Variants in CTNNA3 observed in about 807,000 individuals in gnomAD.
The protein encoded by CTNNA3 is catenin alpha-3.
Under a neutral mutation model 95.7 loss-of-function variants are expected in CTNNA3, and 76 were observed. The observed-to-expected ratio is 0.79, with a 90% CI of 0.66 to 0.96. The LOEUF (loss-of-function observed/expected upper bound fraction) is 0.96. CTNNA3 is among the 40% of genes least tolerant of loss of function. The probability of loss-of-function intolerance (pLI) is 0.00; values close to 1 mark genes in which losing one functional copy is unlikely to be tolerated. For synonymous variants in CTNNA3, 431 were observed against 374.4 expected (o/e 1.15, Z -1.74); for missense variants, 1,191 against 1,089.8 (o/e 1.09, Z -1.31).
intron 17 of CTNNA3, among the ~76,000 whole-genome samples, chr10:65,931,328 G>A (rs1004863351): frequency 2.0e-5 from 3 of 152,114 alleles, no homozygotes; most frequent in Admixed American, 6.6e-5. Context: ...CTGCCATAGC[G>A]CCTTGCCTGC....
rs141154098 is a variant in CTNNA3 at position 67,688,995 on chromosome 10, C to A, written c.-6+7005G>T. On this transcript the variant is annotated intron_variant, in intron 1 of 17. Transcript: ENST00000433211. The stretch of plus-strand genomic sequence containing the variant: ...TTACTGATGCATTCTCAAAAACCTG[C>A]ATTCTTGCCTGTCCTCTTAGACCAC... Among the ~76,000 whole-genome samples the A allele has an allele frequency of 5.5e-4, 84 of 152,182 alleles. 2 individuals are homozygous for A. Among genetic ancestry groups the A allele is most frequent in the African/African-American group, 1.9e-3 (80 of 41,518 alleles).
intron 11 of CTNNA3, among the ~76,000 whole-genome samples, chr10:66,457,840 A>G (rs1393232698): frequency 6.6e-6 from 1 of 152,090 alleles, no homozygotes; most frequent in African/African-American, 2.4e-5. Flanking sequence ...GCAGCTTTAT[A>G]CTTTGCAGTT....
At chr10:66,414,658 C>T (rs1039426836) in intron 11 of CTNNA3, among the ~76,000 whole-genome samples, 2 of 152,118 alleles carry the variant, frequency 1.3e-5, no homozygotes, top group Non-Finnish European at 2.9e-5. Context: ...ACTTTGCCTG[C>T]AACAGACTGC....
intron 9 of CTNNA3, among the ~76,000 whole-genome samples, chr10:66,644,321 TATAA>T (rs1447273266): frequency 6.1e-5 from 8 of 131,902 alleles, no homozygotes; most frequent in South Asian, 2.5e-4. Flanking sequence ...TATATATATA[TATAA>T]AATAATACTT....
rs148149696 is a variant in CTNNA3, at chr10:66,519,268, G to C, written c.1531+1349C>G. ...GATTTATGAGTATCTTCACAATCCT[G>C]TGGGATATTATTCTAATTTGTGATG... is the stretch of plus-strand genomic sequence containing the variant. On this transcript the variant is annotated intron_variant, in intron 11 of 17. Transcript: ENST00000433211. 5.9e-5 allele frequency among the ~76,000 whole-genome samples: 9 copies of C among 152,034 alleles called. No individual in the cohort carries two copies. The East Asian group carries it at 1.5e-3, about 26-fold the overall frequency.
Position 67,648,847 on chromosome 10 carries a change from G to C in CTNNA3, c.-5-1329C>G, listed in dbSNP as rs78483829. 2.8e-3 allele frequency: 3,377 copies of C among 1,198,544 alleles called. 80 individuals carry two copies. In the African/African-American group the frequency reaches 0.046, roughly 16 times the overall value. The allele number at this position is 1,198,544 out of a possible 1,614,324, so 74.2% of individuals were successfully genotyped here. A position where few individuals can be genotyped will look rare whatever the true frequency, so the allele number is the denominator to read the frequency against. Reference sequence around the variant, plus strand: ...ATGTAAGAGACACGCTTCAAGAAAGGCTCCAAACACTATTGCCAAATGGTT... The same window carrying C: ...ATGTAAGAGACACGCTTCAAGAAAGCCTCCAAACACTATTGCCAAATGGTT... On this transcript the variant is annotated intron_variant, in intron 1 of 17. Transcript: ENST00000433211.
intron 11 of CTNNA3, among the ~76,000 whole-genome samples, chr10:66,411,185 A>T (rs2093102092): frequency 6.6e-6 from 1 of 152,194 alleles, no homozygotes; most frequent in Non-Finnish European, 1.5e-5. Flanking sequence ...TTGAGTAAAT[A>T]ATGTGTCCTG....
intron 11 of CTNNA3, among the ~76,000 whole-genome samples, chr10:66,461,685 G>GTATATATATATA (rs141247399): frequency 5.9e-4 from 82 of 140,130 alleles, no homozygotes; most frequent in African/African-American, 2.0e-3. Context: ...ATATATATAT[G>GTATATATATATA]TATATATATA....
chr10:66,506,069 A>G (rs72793604), intron 11 of CTNNA3, among the ~76,000 whole-genome samples: 23,172 of 152,066 alleles, frequency 0.15, 1,840 homozygotes, highest in Non-Finnish European at 0.17. Flanking sequence ...GCATGTAGAG[A>G]TTACTTGGTA....
chr10:66,800,491 G>A (rs1291223505), intron 7 of CTNNA3, among the ~76,000 whole-genome samples: 1 of 150,098 alleles, frequency 6.7e-6, no homozygotes, highest in East Asian at 2.0e-4. Flanking sequence ...AAAAAACAAT[G>A]AAACAGGCAA....
At chr10:66,791,483 C>T (rs1840966779) in intron 7 of CTNNA3, among the ~76,000 whole-genome samples, 1 of 152,192 alleles carries the variant, frequency 6.6e-6, no homozygotes. Flanking sequence ...CCTACTCATT[C>T]TTCCAATCTC....
In CTNNA3 at chr10:67,509,062, G is replaced by A. The variant is rs189212072; in HGVS notation, c.579+12780C>T. On this transcript the variant is annotated intron_variant, in intron 5 of 17. Transcript: ENST00000433211. Reference sequence around the variant, plus strand: ...TGCTAATTTTTGTATTTTTAGTAGAGACGGGGTTTCACCATGTTGGCCAGG... The same window carrying A: ...TGCTAATTTTTGTATTTTTAGTAGAAACGGGGTTTCACCATGTTGGCCAGG... Among the ~76,000 whole-genome samples the A allele has an allele frequency of 5.5e-3, 834 of 152,128 alleles. 4 individuals are homozygous for A. The highest frequency in any genetic ancestry group is 0.014 in the Middle Eastern group (4 of 294).
intron 11 of CTNNA3, among the ~76,000 whole-genome samples, chr10:66,470,966 A>G (rs1839108351): frequency 6.6e-6 from 1 of 151,916 alleles, no homozygotes; most frequent in African/African-American, 2.4e-5. Context: ...TTACCAGCTT[A>G]AAATGGATTG....
At chr10:66,255,928 T>C (rs2090752390) in intron 13 of CTNNA3, among the ~76,000 whole-genome samples, 1 of 152,214 alleles carries the variant, frequency 6.6e-6, no homozygotes, top group South Asian at 2.1e-4. Flanking sequence ...TATTAACTAG[T>C]TGATGTTCCC....
chr10:67,515,905 T>C (rs1415112478), intron 5 of CTNNA3, among the ~76,000 whole-genome samples: 1 of 152,194 alleles, frequency 6.6e-6, no homozygotes, highest in Non-Finnish European at 1.5e-5. Context: ...ACTTACACCC[T>C]TCCTTAGACT....
chr10:65,937,624 C>CTG (rs775353093), intron 17 of CTNNA3, among the ~76,000 whole-genome samples: 1 of 152,050 alleles, frequency 6.6e-6, no homozygotes, highest in Non-Finnish European at 1.5e-5. Context: ...TTTGTGCACC[C>CTG]TGTTGTATTT....
chr10:66,743,670 G>C (rs1315722739), intron 9 of CTNNA3, among the ~76,000 whole-genome samples: 1 of 152,096 alleles, frequency 6.6e-6, no homozygotes, highest in Non-Finnish European at 1.5e-5. Flanking sequence ...GAGTAGAAAT[G>C]AGATCCATAG....
chr10:67,152,979 CT>C (rs893393901), intron 7 of CTNNA3, among the ~76,000 whole-genome samples: 87 of 146,364 alleles, frequency 5.9e-4, no homozygotes, highest in Middle Eastern at 3.5e-3. Flanking sequence ...GCCCAGCAAT[CT>C]TTTTTTTTTT....
chr10:66,948,091 A>G lies in CTNNA3; in HGVS notation c.1048-172567T>C, dbSNP rs1030650303. 5.3e-5 allele frequency among the ~76,000 whole-genome samples: 8 copies of G among 152,334 alleles called. No individual in the cohort carries two copies. The East Asian group carries it at 1.2e-3, about 22-fold the overall frequency. On this transcript the variant is annotated intron_variant, in intron 7 of 17. Transcript: ENST00000433211. ...ATAGAAAAGGTAGGATAAAAACACA[A>G]TATCATAACTTGTGGGATCACCATC...
Sources: allele counts gnomAD v4.1 joint callset (sites outside exome capture counted in the v4.1 genomes callset), GRCh38; gene constraint gnomAD v4.1.1; transcripts MANE v1.5; gene names NCBI Gene and HGNC (gene_info 2026-07-23, HGNC 2026-07-21).